Variants in BCAS3 observed in about 807,000 individuals in gnomAD.
BCAS3 encodes BCAS4/BCAS3 fusion.
In BCAS3, 53 loss-of-function variants were observed where a neutral mutation model predicts 116.1. The ratio of observed to expected loss-of-function variants is 0.46; its 90% confidence interval spans 0.37 to 0.57. The LOEUF is 0.57. Among genes scored for constraint, BCAS3 ranks in the 20% least tolerant of loss-of-function variants. The pLI is 0.00. For synonymous variants in BCAS3, 391 were observed against 408.2 expected (o/e 0.96, Z 0.51); for missense variants, 917 against 1,165.4 (o/e 0.79, Z 3.10).
In BCAS3 at chr17:61,329,325, GTTA is replaced by G. The variant is rs201735697; in HGVS notation, c.2426-38984_2426-38982del. Among the ~76,000 whole-genome samples the G allele has an allele frequency of 1.4e-3, 200 of 143,948 alleles. 2 individuals are homozygous for G. Among genetic ancestry groups the G allele is most frequent in the Middle Eastern group, 3.7e-3 (1 of 272 alleles). The allele number at this position is 143,948 out of a possible 152,430, so 94.4% of individuals were successfully genotyped here. ...GGGAGGACACAAACATCCAGGCCAT[GTTA>G]TTATTATTATTATTATTTTTTTTTT... On this transcript the variant is annotated intron_variant, in intron 22 of 23. Transcript: ENST00000407086.
chr17:61,207,783 C>T (rs2144315992), intron 22 of BCAS3, among the ~76,000 whole-genome samples: 1 of 152,216 alleles, frequency 6.6e-6, no homozygotes, highest in South Asian at 2.1e-4. Context: ...AATATGCTCA[C>T]AGAGTGCCCA....
rs964598910 is a variant in BCAS3 at position 61,349,042 on chromosome 17, G to A, written c.2426-19285G>A. On this transcript the variant is annotated intron_variant, in intron 22 of 23. Coordinates refer to ENST00000407086, the MANE Select transcript of BCAS3 (RefSeq NM_017679.5). This position sits in a 1 kb window ranked among gnomAD's most constrained non-coding sequence, Gnocchi z 4.7. The stretch of plus-strand genomic sequence containing the variant: ...GCTGGGATTACAGGCGTGAGCCACC[G>A]TGCCCGGCCCTCTTGGGCAGAGATT... Among the ~76,000 whole-genome samples the A allele has an allele frequency of 2.6e-5, 4 of 151,618 alleles. No individual in the cohort carries two copies. Among genetic ancestry groups the A allele is most frequent in the Admixed American group, 1.3e-4 (2 of 15,232 alleles).
rs1431305403 is a variant in BCAS3, at chr17:61,136,118, A to G, written c.2425+51554A>G. Among the ~76,000 whole-genome samples, 4 of 152,078 alleles carry G rather than the reference A, an allele frequency of 2.6e-5. No homozygotes were observed. On this transcript the variant is annotated intron_variant, in intron 22 of 23. Coordinates refer to ENST00000407086, the MANE Select transcript of BCAS3 (RefSeq NM_017679.5). The surrounding 1 kb of genome is among the most constrained non-coding windows in gnomAD (Gnocchi z 4.4). ...TGAGCTCTAACAATTCTCAACTACT[A>G]GCACCTCTTAGACTCCAAAATGCTT...
intron 6 of BCAS3, among the ~76,000 whole-genome samples, chr17:60,777,343 G>T (rs1394949111): frequency 6.6e-6 from 1 of 151,996 alleles, no homozygotes; most frequent in Non-Finnish European, 1.5e-5. Flanking sequence ...CTCAAAACTT[G>T]GCCCAGCGTG....
At chr17:61,074,131 A>G (rs1193091626) in intron 19 of BCAS3, among the ~76,000 whole-genome samples, 2 of 151,698 alleles carry the variant, frequency 1.3e-5, no homozygotes, top group East Asian at 1.9e-4. Flanking sequence ...AAAAAAAAAA[A>G]AGATTAAATA....
chr17:60,877,040 A>C (rs935163935), intron 9 of BCAS3, among the ~76,000 whole-genome samples: 2 of 152,118 alleles, frequency 1.3e-5, no homozygotes, highest in African/African-American at 4.8e-5. Context: ...GTTTGTGATA[A>C]CAGTATGTCT....
intron 10 of BCAS3, among the ~76,000 whole-genome samples, chr17:60,901,074 G>T (rs1301549566): frequency 6.6e-6 from 1 of 152,034 alleles, no homozygotes; most frequent in Admixed American, 6.5e-5. Context: ...ATCCAGGCGT[G>T]GTGGCATGTG....
intron 22 of BCAS3, among the ~76,000 whole-genome samples, chr17:61,341,216 G>T (rs1208934368): frequency 6.6e-6 from 1 of 152,154 alleles, no homozygotes; most frequent in Non-Finnish European, 1.5e-5. Flanking sequence ...TTACAACACA[G>T]TCAAAGTTGG....
In BCAS3 at chr17:61,219,284, CGATACCCTGGA is replaced by C. The variant is rs1272234234; in HGVS notation, c.2425+134723_2425+134733del. Among the ~76,000 whole-genome samples, 6 of 152,042 alleles carry C rather than the reference CGATACCCTGGA, an allele frequency of 3.9e-5. No homozygotes were observed. Among genetic ancestry groups the C allele is most frequent in the Non-Finnish European group, 8.8e-5 (6 of 68,006 alleles). On this transcript the variant is annotated intron_variant, in intron 22 of 23. Coordinates refer to ENST00000407086, the MANE Select transcript of BCAS3 (RefSeq NM_017679.5). The surrounding 1 kb of genome is among the most constrained non-coding windows in gnomAD (Gnocchi z 5.2). ...AATCCTGTGTCTCAGTGGTACCCAG[CGATACCCTGGA>C]GAGGAACATTCCAGTGATTCCTTTC... is the stretch of plus-strand genomic sequence containing the variant.
At chr17:60,910,495 T>G in intron 11 of BCAS3, 37 bp from the exon 12 acceptor site, 1 of 1,485,620 alleles carries the variant, frequency 6.7e-7, no homozygotes, top group East Asian at 2.5e-5. Flanking sequence ...ATCCAAATAC[T>G]GATGTGAAGT....
In BCAS3 at chr17:61,020,834, G is replaced by A. The variant is rs573451031; in HGVS notation, c.1637+4933G>A. Reference sequence around the variant, plus strand: ...TTTCCAAATTATTTTATGGACACAAGCAGAGAACAGTAAATTTCAAAAAGA... The same window carrying A: ...TTTCCAAATTATTTTATGGACACAAACAGAGAACAGTAAATTTCAAAAAGA... On this transcript the variant is annotated intron_variant, in intron 16 of 23. Coordinates refer to ENST00000407086, the MANE Select transcript of BCAS3 (RefSeq NM_017679.5). This position sits in a 1 kb window ranked among gnomAD's most constrained non-coding sequence, Gnocchi z 4.5. Among the ~76,000 whole-genome samples the A allele has an allele frequency of 3.3e-5, 5 of 152,110 alleles. No homozygotes were observed. Among genetic ancestry groups the A allele is most frequent in the Non-Finnish European group, 7.4e-5 (5 of 68,026 alleles).
chr17:61,208,042 T>A lies in BCAS3; in HGVS notation c.2425+123478T>A, dbSNP rs1009752286. On this transcript the variant is annotated intron_variant, in intron 22 of 23. Transcript: ENST00000407086. This position sits in a 1 kb window ranked among gnomAD's most constrained non-coding sequence, Gnocchi z 4.5. ...AAATAACAAAAAACTTAGGAGATAA[T>A]GTTGATCACATACCCTTTTTTATTA... Among the ~76,000 whole-genome samples the A allele has an allele frequency of 2.0e-5, 3 of 152,202 alleles. No individual in the cohort carries two copies. The highest frequency in any genetic ancestry group is 7.2e-5 in the African/African-American group (3 of 41,458).
At position 60,962,403 on chromosome 17, in the gene BCAS3, T is replaced by C. The variant is rs986541731; in HGVS notation, c.1221+15051T>C. ...ACTAGGGTGAGATGATATCTTGTTG[T>C]GGTTTTGATTTGTGTTTCTCTGATG... On this transcript the variant is annotated intron_variant, in intron 14 of 23. Coordinates refer to ENST00000407086, the MANE Select transcript of BCAS3 (RefSeq NM_017679.5). This position sits in a 1 kb window ranked among gnomAD's most constrained non-coding sequence, Gnocchi z 4.4. Among the ~76,000 whole-genome samples, 5 of 152,194 alleles carry C rather than the reference T, an allele frequency of 3.3e-5. No homozygotes were observed. The highest frequency in any genetic ancestry group is 7.3e-5 in the Non-Finnish European group (5 of 68,028).
rs79244278 is a variant in BCAS3, at chr17:61,233,311, C to A, written c.2426-135016C>A. 2.0e-5 allele frequency among the ~76,000 whole-genome samples: 3 copies of A among 152,276 alleles called. No individual in the cohort carries two copies. In the East Asian group the frequency reaches 5.8e-4, roughly 29 times the overall value. ...GAAGAGTTTGGACCCCAGGCTTTTA[C>A]AGGTTTGTAGTAAAATCTGAGCTGC... On this transcript the variant is annotated intron_variant, in intron 22 of 23. Transcript: ENST00000407086. This position sits in a 1 kb window ranked among gnomAD's most constrained non-coding sequence, Gnocchi z 4.3.
intron 22 of BCAS3, among the ~76,000 whole-genome samples, chr17:61,231,869 CAAAAA>C (rs72247548): frequency 2.0e-5 from 2 of 100,450 alleles, no homozygotes; most frequent in African/African-American, 8.7e-5. Context: ...GACCCTGTCT[CAAAAA>C]AAAAAAAAAA....
chr17:61,111,595 C>T (rs1035138546), intron 22 of BCAS3, among the ~76,000 whole-genome samples: 2 of 149,712 alleles, frequency 1.3e-5, no homozygotes, highest in African/African-American at 4.9e-5. Context: ...GTGAAAAGAC[C>T]AAATCTACGT....
chr17:60,987,326 CT>C (rs2063207700), intron 14 of BCAS3, among the ~76,000 whole-genome samples: 1 of 142,392 alleles, frequency 7.0e-6, no homozygotes, highest in African/African-American at 2.6e-5. Context: ...TATTCTGGGT[CT>C]TTTGTGGCTC....
intron 22 of BCAS3, among the ~76,000 whole-genome samples, chr17:61,238,869 A>G (rs2083269357): frequency 6.6e-6 from 1 of 152,076 alleles, no homozygotes; most frequent in Non-Finnish European, 1.5e-5. Flanking sequence ...TGTGTCCCAG[A>G]GGTGGAAGCC....
chr17:60,752,755 C>T (rs2042606562), intron 6 of BCAS3, among the ~76,000 whole-genome samples: 1 of 151,832 alleles, frequency 6.6e-6, no homozygotes, highest in Admixed American at 6.6e-5. Context: ...CATGAGAATC[C>T]CATTTCTCCT....
Sources: allele counts gnomAD v4.1 joint callset (sites outside exome capture counted in the v4.1 genomes callset), GRCh38; gene constraint gnomAD v4.1.1; non-coding constraint Gnocchi (gnomAD v3.1); transcripts MANE v1.5; gene names NCBI Gene and HGNC (gene_info 2026-07-23, HGNC 2026-07-21).